The following OSBPL8 variants were observed in gnomAD, a reference collection of about 807,000 sequenced individuals.
OSBPL8 encodes oxysterol-binding protein-related protein 8.
Under a neutral mutation model 125.5 loss-of-function variants are expected in OSBPL8, and 59 were observed. The observed-to-expected ratio is 0.47, with a 90% CI of 0.38 to 0.58. The LOEUF (loss-of-function observed/expected upper bound fraction) is 0.58, where lower values mean the gene tolerates loss of function less well. Among genes scored for constraint, OSBPL8 ranks in the 20% least tolerant of loss-of-function variants. OSBPL8 has a pLI of 0.00. For synonymous variants in OSBPL8, 330 were observed against 338.9 expected, an observed-to-expected ratio of 0.97 and a Z score of 0.29; for missense variants, 758 against 1,047.8, an observed-to-expected ratio of 0.72 and a Z score of 3.82.
At position 76,356,640 on chromosome 12, in the gene OSBPL8, C is replaced by T. The variant is rs772628087; in HGVS notation, c.2523G>A (p.Gln841=). 6.9e-6 allele frequency: 11 copies of T among 1,596,278 alleles called. No homozygotes were observed. In the African/African-American group the frequency reaches 1.3e-4, roughly 20 times the overall value. The change falls in exon 23 of 24, where the codon CAG becomes CAA. Residue 841 remains glutamine, a synonymous_variant. Coordinates refer to ENST00000261183, the MANE Select transcript of OSBPL8 (RefSeq NM_020841.5). The stretch of plus-strand genomic sequence containing the variant: ...TATATTATTACCTTTTAATTTCTTC[C>T]TGTGTTTGTTTTATAGATTCGATGG... ...QSSIESIKQT[Q]EEIKRNIMAL...
chr12:76,416,025 C>T (rs552142216), intron 4 of OSBPL8, among the ~76,000 whole-genome samples: 26 of 152,162 alleles, frequency 1.7e-4, no homozygotes, highest in African/African-American at 6.0e-4. Context: ...CTTCTCCCTT[C>T]TGTTTCTAAA....
At chr12:76,512,198 C>A (rs1881068100) in intron 1 of OSBPL8, among the ~76,000 whole-genome samples, 1 of 152,180 alleles carries the variant, frequency 6.6e-6, no homozygotes, top group Non-Finnish European at 1.5e-5. Flanking sequence ...TCCTTTAACT[C>A]CCACTTATAA....
chr12:76,517,225 A>G (rs1881631926), intron 1 of OSBPL8, among the ~76,000 whole-genome samples: 1 of 152,210 alleles, frequency 6.6e-6, no homozygotes, highest in Non-Finnish European at 1.5e-5. Flanking sequence ...TCTCTTTACA[A>G]TTAAAAAATG....
chr12:76,508,104 G>C (rs1880599632), intron 1 of OSBPL8, among the ~76,000 whole-genome samples: 1 of 151,694 alleles, frequency 6.6e-6, no homozygotes, highest in Middle Eastern at 3.4e-3. Flanking sequence ...CTGGGAGGCG[G>C]AGGTTGCAGT....
At chr12:76,440,233 T>C (rs1308506495) in intron 4 of OSBPL8, among the ~76,000 whole-genome samples, 1 of 152,124 alleles carries the variant, frequency 6.6e-6, no homozygotes, top group Non-Finnish European at 1.5e-5. Context: ...GATGCAGACT[T>C]TATACAGCTG....
intron 8 of OSBPL8, among the ~76,000 whole-genome samples, chr12:76,395,737 A>G (rs1450397558): frequency 6.6e-6 from 1 of 152,144 alleles, no homozygotes; most frequent in Non-Finnish European, 1.5e-5. Context: ...AGAATTAAAT[A>G]AATGATTTCA....
chr12:76,356,788 G>T, intron 22 of OSBPL8, 60 bp from the exon 23 acceptor site: 1 of 1,151,426 alleles, frequency 8.7e-7, no homozygotes. Flanking sequence ...TCAATTTAAT[G>T]TGTCTCATGT....
Position 76,402,700 on chromosome 12 carries a change from C to CT in OSBPL8, c.354dup (p.Glu119ArgfsTer4). The CT allele has an allele frequency of 6.2e-7, 1 of 1,603,186 alleles. No individual in the cohort carries two copies. The highest frequency in any genetic ancestry group is 8.5e-7 in the Non-Finnish European group (1 of 1,170,662). On this transcript the variant is annotated frameshift_variant, in exon 6 of 24. Transcript: ENST00000261183. LOFTEE classifies it high-confidence loss of function. ...AACTGGAAACTAACCTTAAGAGATT[C>CT]TTTTTTTGTGAGTTTGCTTGAAGTT...
intron 6 of OSBPL8, among the ~76,000 whole-genome samples, chr12:76,400,742 A>G (rs1954018331): frequency 6.6e-6 from 1 of 150,384 alleles, no homozygotes; most frequent in African/African-American, 2.4e-5. Flanking sequence ...GTTAGAATCT[A>G]GTTTTTCTGA....
At chr12:76,543,373 A>C (rs1249466176) in intron 1 of OSBPL8, among the ~76,000 whole-genome samples, 2 of 152,124 alleles carry the variant, frequency 1.3e-5, no homozygotes, top group Non-Finnish European at 2.9e-5. Context: ...AAACAAGAAA[A>C]ATAATACCTT....
At chr12:76,487,021 ATTTTT>A (rs63178360) in intron 2 of OSBPL8, among the ~76,000 whole-genome samples, 1 of 101,896 alleles carries the variant, frequency 9.8e-6, no homozygotes, top group African/African-American at 3.9e-5. Flanking sequence ...TGCAATTTTC[ATTTTT>A]TTTTTTTTTT....
At chr12:76,519,354 G>A (rs1459520338) in intron 1 of OSBPL8, among the ~76,000 whole-genome samples, 3 of 152,084 alleles carry the variant, frequency 2.0e-5, no homozygotes, top group African/African-American at 7.2e-5. Flanking sequence ...GACCTCATCA[G>A]GCTAGCCTTC....
intron 9 of OSBPL8, 88 bp from the exon 10 acceptor site, chr12:76,392,840 T>C (rs1348704822): frequency 4.6e-6 from 6 of 1,301,584 alleles, no homozygotes; most frequent in African/African-American, 4.4e-5. Flanking sequence ...CACTATTTCT[T>C]TGAGAAACAT....
chr12:76,427,676 A>G (rs74103430), intron 4 of OSBPL8, among the ~76,000 whole-genome samples: 54 of 152,206 alleles, frequency 3.5e-4, no homozygotes, highest in Middle Eastern at 3.4e-3. Flanking sequence ...AGAATTACTT[A>G]TAATCACTAC....
At chr12:76,386,326 A>G (rs1306678939) in intron 13 of OSBPL8, 60 bp from the exon 14 acceptor site, 1 of 1,532,364 alleles carries the variant, frequency 6.5e-7, no homozygotes, top group African/African-American at 1.4e-5. Flanking sequence ...AAAATAGTTT[A>G]AACTAGTCAA....
chr12:76,369,204 T>TA lies in OSBPL8; in HGVS notation c.2328+9dup. ...TATATACCTAGTGTACCTAGTTTTT[T>TA]ATTACATACCATTGGAGTACGATGT... On this transcript the variant is annotated intron_variant, in intron 21 of 23. Coordinates refer to ENST00000261183, the MANE Select transcript of OSBPL8 (RefSeq NM_020841.5). The TA allele has an allele frequency of 1.2e-6, 2 of 1,605,480 alleles. No individual in the cohort carries two copies. The highest frequency in any genetic ancestry group is 1.7e-6 in the Non-Finnish European group (2 of 1,177,520).
intron 5 of OSBPL8, among the ~76,000 whole-genome samples, chr12:76,406,689 C>T (rs1415198453): frequency 6.6e-6 from 1 of 152,160 alleles, no homozygotes; most frequent in Non-Finnish European, 1.5e-5. Flanking sequence ...GATCACAGCT[C>T]ACTGCAGCCT....
chr12:76,453,670 T>C (rs946704724), intron 3 of OSBPL8, among the ~76,000 whole-genome samples: 26 of 152,182 alleles, frequency 1.7e-4, no homozygotes, highest in African/African-American at 6.3e-4. Context: ...AGAGATTCCT[T>C]TAAAAAGACA....
intron 2 of OSBPL8, among the ~76,000 whole-genome samples, chr12:76,480,167 CAAAAAAAAAAAAAA>C (rs57582036): frequency 2.5e-4 from 14 of 56,386 alleles, no homozygotes; most frequent in African/African-American, 9.5e-4. Flanking sequence ...AACTCCATCT[CAAAAAAAAAAAAAA>C]AAAAAAAAAA....
Sources: allele counts gnomAD v4.1 joint callset (sites outside exome capture counted in the v4.1 genomes callset), GRCh38; gene constraint gnomAD v4.1.1; transcripts MANE v1.5; gene names NCBI Gene and HGNC (gene_info 2026-07-23, HGNC 2026-07-21).